The following CFAP20DC variants were observed in gnomAD, a reference collection of about 807,000 sequenced individuals.
The protein encoded by CFAP20DC is CFAP20 domain containing, also known as protein CFAP20DC.
Under a neutral mutation model 101.7 loss-of-function variants are expected in CFAP20DC, and 84 were observed. That is an observed-to-expected ratio of 0.83 (90% CI 0.69 to 0.99). The LOEUF is 0.99. Among genes scored for constraint, CFAP20DC ranks in the 50% least tolerant of loss-of-function variants. The probability of loss-of-function intolerance (pLI) is 0.00; values close to 1 mark genes in which losing one functional copy is unlikely to be tolerated. For synonymous variants in CFAP20DC, 359 were observed against 351.2 expected, an observed-to-expected ratio of 1.02 and a Z score of -0.25; for missense variants, 1,007 against 970.3, an observed-to-expected ratio of 1.04 and a Z score of -0.50.
chr3:58,817,307 T>A (rs1295508781), intron 14 of CFAP20DC, among the ~76,000 whole-genome samples: 1 of 152,180 alleles, frequency 6.6e-6, no homozygotes, highest in Non-Finnish European at 1.5e-5. Flanking sequence ...TTTGATGAGC[T>A]GAGAGAAGAA....
At chr3:58,808,143 A>G (rs946664345) in intron 14 of CFAP20DC, among the ~76,000 whole-genome samples, 2 of 152,208 alleles carry the variant, frequency 1.3e-5, no homozygotes, top group Admixed American at 6.5e-5. Context: ...ACACTCTGCA[A>G]GATATTATCC....
intron 7 of CFAP20DC, among the ~76,000 whole-genome samples, chr3:58,879,673 A>G (rs550063344): frequency 4.6e-5 from 7 of 152,252 alleles, no homozygotes; most frequent in African/African-American, 1.4e-4. Context: ...AAATAAGAAA[A>G]TATCAGGTAG....
chr3:58,741,975 TG>T, downstream of CFAP20DC: 1 of 593,106 alleles, frequency 1.7e-6, no homozygotes, highest in Non-Finnish European at 2.1e-6. Flanking sequence ...GAAAAGAAAG[TG>T]GGGTGAATGA....
At chr3:58,845,974 TA>T (rs1158036644) in intron 13 of CFAP20DC, among the ~76,000 whole-genome samples, 1 of 151,188 alleles carries the variant, frequency 6.6e-6, no homozygotes, top group Non-Finnish European at 1.5e-5. Flanking sequence ...CCCTTCATGC[TA>T]AAAACTCTCA....
intron 6 of CFAP20DC, among the ~76,000 whole-genome samples, chr3:58,906,742 C>T (rs2083624785): frequency 6.6e-6 from 1 of 152,034 alleles, no homozygotes; most frequent in Admixed American, 6.6e-5. Context: ...GCCTAGGGAA[C>T]ATAGTGATGC....
At chr3:58,768,860 T>G (rs779520743) in intron 15 of CFAP20DC, among the ~76,000 whole-genome samples, 7 of 152,166 alleles carry the variant, frequency 4.6e-5, no homozygotes, top group Non-Finnish European at 8.8e-5. Context: ...AAATGTTACT[T>G]TAGAGGAGCC....
At chr3:58,946,323 G>A (rs893290461) in intron 4 of CFAP20DC, among the ~76,000 whole-genome samples, 6 of 151,500 alleles carry the variant, frequency 4.0e-5, no homozygotes, top group Admixed American at 6.6e-5. Context: ...CACTATGTTG[G>A]CCAGGCTGGT....
At chr3:58,951,842 G>T (rs1227778287) in intron 4 of CFAP20DC, among the ~76,000 whole-genome samples, 2 of 152,030 alleles carry the variant, frequency 1.3e-5, no homozygotes, top group Non-Finnish European at 2.9e-5. Flanking sequence ...CACCAACATG[G>T]CACATGTATA....
At chr3:58,817,151 A>G (rs1195382407) in intron 14 of CFAP20DC, among the ~76,000 whole-genome samples, 41 of 151,862 alleles carry the variant, frequency 2.7e-4, no homozygotes, top group African/African-American at 6.8e-4. Flanking sequence ...CATCACCATC[A>G]TCAAAGACCA....
chr3:58,970,452 A>G (rs1252229977), intron 4 of CFAP20DC: 3 of 152,202 alleles, frequency 2.0e-5, no homozygotes, highest in Non-Finnish European at 2.9e-5. Context: ...AATCCGAAAG[A>G]CTGCTGGCAA....
In CFAP20DC at chr3:59,049,997, C is replaced by A. The variant is rs1700189678; in HGVS notation, c.-366G>T. On this transcript the variant is annotated 5_prime_UTR_variant, in exon 1 of 17. Transcript: ENST00000482387. The stretch of plus-strand genomic sequence containing the variant: ...CCCGCTGGCCTAGGAAAAGCGGGCG[C>A]GCTCCCGCTGCCGCCCCACCCCAGA... 1 of 243,614 alleles carries A rather than the reference C, an allele frequency of 4.1e-6. No individual in the cohort carries two copies. The highest frequency in any genetic ancestry group is 7.9e-6 in the Non-Finnish European group (1 of 126,378). 15.1% of individuals were successfully genotyped at this position (243,614 alleles called of 1,614,324 possible).
intron 2 of CFAP20DC, among the ~76,000 whole-genome samples, 175 bp downstream of exon 2, chr3:59,046,990 G>A (rs1210584651): frequency 6.6e-6 from 1 of 152,152 alleles, no homozygotes; most frequent in Non-Finnish European, 1.5e-5. Flanking sequence ...GTGTGCCAAA[G>A]TCTTAGACAA....
intron 14 of CFAP20DC, among the ~76,000 whole-genome samples, chr3:58,824,831 CTTT>C (rs80121434): frequency 1.4e-5 from 2 of 140,230 alleles, no homozygotes; most frequent in East Asian, 2.1e-4. Context: ...TATGGGAATT[CTTT>C]TTTTTTTTTT....
intron 6 of CFAP20DC, among the ~76,000 whole-genome samples, chr3:58,909,968 A>G (rs2083982704): frequency 6.6e-6 from 1 of 152,052 alleles, no homozygotes; most frequent in African/African-American, 2.4e-5. Context: ...CCCACTTATG[A>G]GTGAGAACAT....
chr3:58,849,453 GT>G (rs1177083144), intron 12 of CFAP20DC, 44 bp from the exon 13 acceptor site: 2 of 1,424,264 alleles, frequency 1.4e-6, no homozygotes, highest in Non-Finnish European at 1.8e-6. Context: ...GCAGAAATTT[GT>G]GGTGAATAAG....
At chr3:59,023,557 G>C (rs1576754031) in intron 4 of CFAP20DC, among the ~76,000 whole-genome samples, 1 of 152,046 alleles carries the variant, frequency 6.6e-6, no homozygotes, top group Admixed American at 6.6e-5. Context: ...ATGGCAAGGA[G>C]GAGGAGTGGA....
At chr3:58,946,553 C>T (rs1393018061) in intron 4 of CFAP20DC, among the ~76,000 whole-genome samples, 1 of 152,126 alleles carries the variant, frequency 6.6e-6, no homozygotes, top group Non-Finnish European at 1.5e-5. Context: ...GTTTGTTATT[C>T]AGGGACCTCC....
In CFAP20DC at chr3:58,724,702, C is replaced by T. The variant is rs998604220; in HGVS notation, c.198-7074G>A. Among the ~76,000 whole-genome samples, 10 of 152,186 alleles carry T rather than the reference C, an allele frequency of 6.6e-5. No homozygotes were observed. Among genetic ancestry groups the T allele is most frequent in the African/African-American group, 2.4e-4 (10 of 41,450 alleles). On this transcript the variant is annotated intron_variant, in intron 3 of 3. Coordinates refer to the CFAP20DC transcript ENST00000486145. This position sits in a 1 kb window ranked among gnomAD's most constrained non-coding sequence, Gnocchi z 5.6. Reference sequence around the variant, plus strand: ...ATAGCATGGAGACCAGAGCTCGGCGCCTTTTGCAGCCTCCATTTTGCAACT... The same window carrying T: ...ATAGCATGGAGACCAGAGCTCGGCGTCTTTTGCAGCCTCCATTTTGCAACT...
At chr3:59,030,712 A>G (rs1380216898) in intron 4 of CFAP20DC, among the ~76,000 whole-genome samples, 1 of 152,252 alleles carries the variant, frequency 6.6e-6, no homozygotes, top group African/African-American at 2.4e-5. Flanking sequence ...ATAAGAAAGA[A>G]GTCATCAGGT....
Sources: gnomAD v4.1 joint callset for allele counts (sites outside exome capture counted in the v4.1 genomes callset) on GRCh38, gnomAD v4.1.1 for gene constraint, Gnocchi (gnomAD v3.1) non-coding constraint, MANE v1.5 for transcripts, NCBI Gene and HGNC (gene_info 2026-07-23, HGNC 2026-07-21) for gene names.